SLC32A1: variants seen among roughly 807,000 people sequenced by gnomAD.
SLC32A1 encodes vesicular inhibitory amino acid transporter.
A neutral mutation model predicts 35.5 loss-of-function variants in SLC32A1; 8 were observed. The ratio of observed to expected loss-of-function variants is 0.23; its 90% CI spans 0.13 to 0.41. The LOEUF (loss-of-function observed/expected upper bound fraction) is 0.41. Among genes scored for constraint, SLC32A1 ranks in the 10% least tolerant of loss-of-function variants. The pLI is 1.00. For synonymous variants in SLC32A1, 317 were observed against 326.3 expected (o/e 0.97, Z 0.31); for missense variants, 493 against 722.3 (o/e 0.68, Z 3.64).
At position 38,728,505 on chromosome 20, in the gene SLC32A1, T is replaced by G. The variant is rs1601183008; in HGVS notation, c.1444T>G (p.Trp482Gly). The change falls in exon 2 of 2, where the codon TGG (tryptophan) becomes GGG (glycine). Residue 482 changes from tryptophan to glycine, a missense_variant. Transcript: ENST00000217420. ...CAGCCTCTTTCACCTGCGCCTGCTCTGGCGCAAGCTGCTGTGGCACCAAGT... is the reference window on the plus strand; with the variant it reads ...CAGCCTCTTTCACCTGCGCCTGCTCGGGCGCAAGCTGCTGTGGCACCAAGT... ...LPSLFHLRLL[W>G]RKLLWHQVFF... The G allele has an allele frequency of 6.2e-7, 1 of 1,613,536 alleles. No individual in the cohort carries two copies. The highest frequency in any genetic ancestry group is 2.2e-5 in the East Asian group (1 of 44,886).
At chr20:38,725,295 G>T (rs1208512456) in intron 1 of SLC32A1, among the ~76,000 whole-genome samples, 181 bp downstream of exon 1, 1 of 152,158 alleles carries the variant, frequency 6.6e-6, no homozygotes, top group Admixed American at 6.5e-5. Flanking sequence ...GGTGTTTTCC[G>T]CCCTAACCCA....
chr20:38,725,587 A>G (rs1287713583), intron 1 of SLC32A1, among the ~76,000 whole-genome samples: 1 of 152,046 alleles, frequency 6.6e-6, no homozygotes, highest in Non-Finnish European at 1.5e-5. Context: ...CAGGCACACC[A>G]CATGCCCACA....
In SLC32A1 at chr20:38,727,660, C is replaced by A. The variant is rs761280843; in HGVS notation, c.599C>A (p.Thr200Lys). ...GCCTGCTGCGCCCCGCGCTTCCCAA[C>A]GCTGGGCGGCCGAGTGGTGAACGTA... ...ANACCAPRFP[T>K]LGGRVVNVAQ... Residue 200 changes from threonine (T) to lysine (K), a missense_variant, in exon 2 of 2, where the codon ACG (threonine) becomes AAG (lysine). Physicochemically the swap from Thr to Lys is moderately conservative, Grantham distance 78. This residue lies in a region of SLC32A1 where 269 missense variants were observed against 445.6 expected (regional missense o/e 0.60). Transcript: ENST00000217420. 1.6e-5 allele frequency: 26 copies of A among 1,614,054 alleles called. No individual in the cohort carries two copies. Among genetic ancestry groups the A allele is most frequent in the Non-Finnish European group, 2.1e-5 (25 of 1,180,060 alleles).
Position 38,724,872 on chromosome 20 carries a change from C to G in SLC32A1, c.148C>G (p.Leu50Val), listed in dbSNP as rs1275197837. ...EAVGFAHCDD[L>V]DFEHRQGLQM... ...GGTGGGCTTCGCGCATTGCGACGAC[C>G]TCGACTTTGAGCACCGCCAGGGCCT... is the stretch of plus-strand genomic sequence containing the variant. Residue 50 changes from leucine to valine, a missense_variant, in exon 1 of 2, where the codon CTC becomes GTC. Physicochemically the swap from Leu to Val is conservative, Grantham distance 32. Transcript: ENST00000217420. 1.2e-6 allele frequency: 2 copies of G among 1,613,890 alleles called. No homozygotes were observed. Among genetic ancestry groups the G allele is most frequent in the Admixed American group, 3.3e-5 (2 of 60,010 alleles).
At position 38,724,697 on chromosome 20, in the gene SLC32A1, T is replaced by C; in HGVS notation, c.-28T>C. ...CGTTCCCCGCATCCTCGGGTCCTTC[T>C]GTCCTTTCCGCTGTCCCCACCGCCG... On this transcript the variant is annotated 5_prime_UTR_variant, in exon 1 of 2. Transcript: ENST00000217420. The C allele has an allele frequency of 2.5e-6, 4 of 1,572,512 alleles. No homozygotes were observed. Among genetic ancestry groups the C allele is most frequent in the Non-Finnish European group, 3.4e-6 (4 of 1,161,210 alleles).
rs201398803 is a variant in SLC32A1, at chr20:38,724,840, A to G, written c.116A>G (p.Glu39Gly). The G allele has an allele frequency of 1.4e-4, 232 of 1,613,824 alleles. No individual in the cohort carries two copies. The highest frequency in any genetic ancestry group is 1.6e-4 in the Middle Eastern group (1 of 6,082). ...ATGGGTTTTCAGGCGGCCACGGATG[A>G]GGAGGCGGTGGGCTTCGCGCATTGC... is the stretch of plus-strand genomic sequence containing the variant. ...ARMGFQAATD[E>G]EAVGFAHCDD... is the part of the protein sequence containing the mutation. Residue 39 changes from glutamate to glycine, a missense_variant, in exon 1 of 2, where the codon GAG becomes GGG. This residue lies in a region of SLC32A1 where 133 missense variants were observed against 145.9 expected (regional missense o/e 0.91). Transcript: ENST00000217420.
intron 1 of SLC32A1, 44 bp downstream of exon 1, chr20:38,725,158 G>T: frequency 6.7e-7 from 1 of 1,500,256 alleles, no homozygotes. Context: ...CCCCCTCCCA[G>T]CTCAGCGTGC....
At chr20:38,725,183 G>A in intron 1 of SLC32A1, 69 bp downstream of exon 1, 4 of 1,484,688 alleles carry the variant, frequency 2.7e-6, no homozygotes, top group Non-Finnish European at 3.6e-6. Context: ...CTCTGCCCCC[G>A]ACAGTCGCCC....
Position 38,727,563 on chromosome 20 carries a change from G to T in SLC32A1, c.502G>T (p.Ala168Ser), listed in dbSNP as rs761227662. 17 of 1,610,256 alleles carry T rather than the reference G, an allele frequency of 1.1e-5. No individual in the cohort carries two copies. The highest frequency in any genetic ancestry group is 1.6e-4 in the Middle Eastern group (1 of 6,084). The change falls in exon 2 of 2, where the codon GCG (alanine) becomes TCG (serine). Residue 168 changes from alanine to serine, a missense_variant. By Grantham distance (99) the Ala-to-Ser change is moderately conservative (BLOSUM62 1). This residue lies in a region of SLC32A1 where 45 missense variants were observed against 91.1 expected (regional missense o/e 0.49). Transcript: ENST00000217420. ...VCCYTGKILI[A>S]CLYEENEDGE... ...CTGCTACACCGGCAAGATCCTCATCGCGTGCCTGTACGAGGAGAATGAAGA... is the reference window on the plus strand; with the variant it reads ...CTGCTACACCGGCAAGATCCTCATCTCGTGCCTGTACGAGGAGAATGAAGA...
chr20:38,724,712 C>G lies in SLC32A1; in HGVS notation c.-13C>G. The G allele has an allele frequency of 6.3e-7, 1 of 1,591,670 alleles. No homozygotes were observed. Among genetic ancestry groups the G allele is most frequent in the Non-Finnish European group, 8.5e-7 (1 of 1,169,728 alleles). ...CGGGTCCTTCTGTCCTTTCCGCTGT[C>G]CCCACCGCCGCCATGGCCACCTTGC... On this transcript the variant is annotated 5_prime_UTR_variant, in exon 1 of 2. Transcript: ENST00000217420.
Position 38,727,822 on chromosome 20 carries a change from G to T in SLC32A1, c.761G>T (p.Cys254Phe), listed in dbSNP as rs2084283231. ...SIIATAVLLP[C>F]AFLKNLKAVS... is the part of the protein sequence containing the mutation. Reference sequence around the variant, plus strand: ...ATCGCCACGGCCGTGCTGCTGCCTTGCGCCTTCCTTAAGAACCTCAAGGCC... The same window carrying T: ...ATCGCCACGGCCGTGCTGCTGCCTTTCGCCTTCCTTAAGAACCTCAAGGCC... Residue 254 changes from cysteine (C) to phenylalanine (F), a missense_variant, in exon 2 of 2, where the codon TGC (cysteine) becomes TTC (phenylalanine). Transcript: ENST00000217420. 6.2e-7 allele frequency: 1 copy of T among 1,614,070 alleles called. No homozygotes were observed. The highest frequency in any genetic ancestry group is 1.3e-5 in the African/African-American group (1 of 74,918).
In SLC32A1 at chr20:38,725,194, G is replaced by T. The variant is rs868675715; in HGVS notation, c.390+80G>T. ...CGGGCTCTGCCCCCGACAGTCGCCC[G>T]GTGATCTCGGCCTGGAGACCCCCTC... On this transcript the variant is annotated intron_variant, in intron 1 of 1. Coordinates refer to ENST00000217420, the MANE Select transcript of SLC32A1 (RefSeq NM_080552.3). 4.8e-6 allele frequency: 7 copies of T among 1,470,522 alleles called. No individual in the cohort carries two copies. The East Asian group carries it at 1.7e-4, about 36-fold the overall frequency. 91.1% of individuals were successfully genotyped at this position (1,470,522 alleles called of 1,614,324 possible).
rs2084287183 is a variant in SLC32A1 at position 38,728,518 on chromosome 20, T to G, written c.1457T>G (p.Leu486Arg). Residue 486 changes from leucine (L) to arginine (R), a missense_variant, in exon 2 of 2, where the codon CTG becomes CGG. This residue lies in a region of SLC32A1 where 269 missense variants were observed against 445.6 expected (regional missense o/e 0.60). Transcript: ENST00000217420. ...FHLRLLWRKL[L>R]WHQVFFDVAI... ...CTGCGCCTGCTCTGGCGCAAGCTGC[T>G]GTGGCACCAAGTCTTCTTCGACGTC... 6.2e-7 allele frequency: 1 copy of G among 1,613,470 alleles called. No individual in the cohort carries two copies. The highest frequency in any genetic ancestry group is 1.3e-5 in the African/African-American group (1 of 74,954).
In SLC32A1 at chr20:38,728,204, G is replaced by A. The variant is rs779600942; in HGVS notation, c.1143G>A (p.Val381=). 11 of 1,614,176 alleles carry A rather than the reference G, an allele frequency of 6.8e-6. No individual in the cohort carries two copies. The Middle Eastern group carries it at 6.6e-4, about 97-fold the overall frequency. ...ACCTGCCCGGCTCCATCCGCGCCGTGGTCAACATCTTTCTGGTGGCCAAGG... is the reference window on the plus strand; with the variant it reads ...ACCTGCCCGGCTCCATCCGCGCCGTAGTCAACATCTTTCTGGTGGCCAAGG... ...TDNLPGSIRA[V]VNIFLVAKAL... Residue 381 remains valine (V), a synonymous_variant, in exon 2 of 2, where the codon GTG becomes GTA. Coordinates refer to ENST00000217420, the MANE Select transcript of SLC32A1 (RefSeq NM_080552.3).
intron 1 of SLC32A1, 58 bp downstream of exon 1, chr20:38,725,172 G>T (rs1322669166): frequency 2.0e-6 from 3 of 1,495,540 alleles, no homozygotes; most frequent in Non-Finnish European, 2.7e-6. Flanking sequence ...AGCGTGCCGG[G>T]CTCTGCCCCC....
At chr20:38,725,995 C>A (rs1049600294) in intron 1 of SLC32A1, among the ~76,000 whole-genome samples, 1 of 152,202 alleles carries the variant, frequency 6.6e-6, no homozygotes, top group Non-Finnish European at 1.5e-5. Flanking sequence ...CCTGGCGAAG[C>A]CCTCTCCAGA....
At position 38,724,851 on chromosome 20, in the gene SLC32A1, G is replaced by T. The variant is rs2084268435; in HGVS notation, c.127G>T (p.Gly43Cys). The change falls in exon 1 of 2, where the codon GGC (glycine) becomes TGC (cysteine). Residue 43 changes from glycine (G) to cysteine (C), a missense_variant. By Grantham distance (159) the Gly-to-Cys change is radical. Transcript: ENST00000217420. ...FQAATDEEAVGFAHCDDLDFE... is the reference protein window; with the variant it reads ...FQAATDEEAVCFAHCDDLDFE... Reference sequence around the variant, plus strand: ...GGCGGCCACGGATGAGGAGGCGGTGGGCTTCGCGCATTGCGACGACCTCGA... The same window carrying T: ...GGCGGCCACGGATGAGGAGGCGGTGTGCTTCGCGCATTGCGACGACCTCGA... The T allele has an allele frequency of 3.1e-6, 5 of 1,613,964 alleles. No individual in the cohort carries two copies. The highest frequency in any genetic ancestry group is 4.2e-6 in the Non-Finnish European group (5 of 1,180,002).
Position 38,726,325 on chromosome 20 carries a change from C to T in SLC32A1, c.391-1127C>T, listed in dbSNP as rs538215124. On this transcript the variant is annotated intron_variant, in intron 1 of 1. Coordinates refer to ENST00000217420, the MANE Select transcript of SLC32A1 (RefSeq NM_080552.3). The surrounding 1 kb of genome is among the most constrained non-coding windows in gnomAD (Gnocchi z 4.7). The stretch of plus-strand genomic sequence containing the variant: ...GGGTAAGCAGGACTCCACCGGGCCC[C>T]GAACACCAGATGGCCCGACCCAAGG... Among the ~76,000 whole-genome samples the T allele has an allele frequency of 2.0e-5, 3 of 152,212 alleles. No homozygotes were observed. In the East Asian group the frequency reaches 5.8e-4, roughly 30 times the overall value.
chr20:38,728,000 C>T lies in SLC32A1; in HGVS notation c.939C>T (p.Ile313=), dbSNP rs758524437. Reference sequence around the variant, plus strand: ...AGTTCCCCATCTCCATTGGCATCATCGTGTTCAGCTACACGTCTCAGATCT... The same window carrying T: ...AGTTCCCCATCTCCATTGGCATCATTGTGTTCAGCTACACGTCTCAGATCT... The part of the protein sequence containing the change: ...VKKFPISIGI[I]VFSYTSQIFL... Residue 313 remains isoleucine (I), a synonymous_variant, in exon 2 of 2, where the codon ATC becomes ATT. Transcript: ENST00000217420. 2 of 1,614,096 alleles carry T rather than the reference C, an allele frequency of 1.2e-6. No individual in the cohort carries two copies. The highest frequency in any genetic ancestry group is 1.7e-6 in the Non-Finnish European group (2 of 1,180,046).
Sources: allele counts gnomAD v4.1 joint callset (sites outside exome capture counted in the v4.1 genomes callset), GRCh38; gene constraint gnomAD v4.1.1; regional missense constraint gnomAD v4.1.1; non-coding constraint Gnocchi (gnomAD v3.1); transcripts MANE v1.5; gene names NCBI Gene and HGNC (gene_info 2026-07-23, HGNC 2026-07-21).